CLDN10: variants seen among roughly 807,000 people sequenced by gnomAD.
The protein encoded by CLDN10 is claudin-10.
Under a neutral mutation model 22.9 loss-of-function variants are expected in CLDN10, and 15 were observed. That is an observed-to-expected ratio of 0.65 (90% CI 0.44 to 1.01). The LOEUF (loss-of-function observed/expected upper bound fraction) is 1.01, where lower values mean the gene tolerates loss of function less well. CLDN10 is among the 50% of genes least tolerant of loss of function. The pLI is 0.00. For missense variants in CLDN10, 247 were observed against 287.8 expected, an observed-to-expected ratio of 0.86 and a Z score of 1.03; for synonymous variants, 114 against 111.4, an observed-to-expected ratio of 1.02 and a Z score of -0.15.
At chr13:95,456,674 T>C (rs2042484879) in intron 1 of CLDN10, among the ~76,000 whole-genome samples, 1 of 152,184 alleles carries the variant, frequency 6.6e-6, no homozygotes, top group Non-Finnish European at 1.5e-5. Flanking sequence ...GGAGGATTGC[T>C]TGAGCCTAGG....
intron 1 of CLDN10, among the ~76,000 whole-genome samples, chr13:95,545,472 G>T (rs761191573): frequency 3.9e-5 from 6 of 152,100 alleles, no homozygotes; most frequent in Non-Finnish European, 7.4e-5. Context: ...GGAAGGTGGA[G>T]GTTGCGGTGA....
At chr13:95,561,456 G>A (rs1390109492) in intron 3 of CLDN10, among the ~76,000 whole-genome samples, 2 of 152,096 alleles carry the variant, frequency 1.3e-5, no homozygotes, top group Admixed American at 6.6e-5. Context: ...AGCGCATGTT[G>A]AGTCCCCACC....
At chr13:95,569,007 C>T (rs1241363197) in intron 3 of CLDN10, among the ~76,000 whole-genome samples, 1 of 152,108 alleles carries the variant, frequency 6.6e-6, no homozygotes, top group Admixed American at 6.6e-5. Context: ...GAGGATAATA[C>T]ATACTAGGAG....
intron 1 of CLDN10, among the ~76,000 whole-genome samples, chr13:95,507,878 C>T (rs9524992): frequency 0.32 from 49,360 of 151,924 alleles, 9,445 homozygotes; most frequent in East Asian, 0.43. Context: ...CTGCCTCGGC[C>T]TCCCAAAGTG....
intron 1 of CLDN10, among the ~76,000 whole-genome samples, chr13:95,465,581 G>A (rs868094545): frequency 6.6e-6 from 1 of 152,136 alleles, no homozygotes; most frequent in Non-Finnish European, 1.5e-5. Flanking sequence ...TGGCCACCTG[G>A]CAGGTGAATA....
intron 1 of CLDN10, among the ~76,000 whole-genome samples, chr13:95,513,963 T>C (rs2043133971): frequency 6.6e-6 from 1 of 152,190 alleles, no homozygotes; most frequent in Non-Finnish European, 1.5e-5. Context: ...GCTTCAGAAC[T>C]CTTCCAGCCT....
chr13:95,577,256 A>C lies in CLDN10; in HGVS notation c.490A>C (p.Ile164Leu). The C allele has an allele frequency of 2.5e-6, 4 of 1,614,094 alleles. No homozygotes were observed. The South Asian group carries it at 3.3e-5, about 13-fold the overall frequency. The change falls in exon 4 of 5, where the codon ATT becomes CTT. Residue 164 changes from isoleucine to leucine, a missense_variant. Ile to Leu is a conservative substitution (Grantham distance 5). Transcript: ENST00000299339. Reference sequence around the variant, plus strand: ...GTATGAATTAGGAGCCGCTCTGTTTATTGGATGGGCAGGAGCCTCACTGTG... The same window carrying C: ...GTATGAATTAGGAGCCGCTCTGTTTCTTGGATGGGCAGGAGCCTCACTGTG... The part of the protein sequence containing the change: ...QKYELGAALF[I>L]GWAGASLCII...
rs1475534789 is a variant in CLDN10 at position 95,555,288 on chromosome 13, T to TC, written c.220+2317dup. ...ATCGCGAACTCCTGAACTCAGGTCATCCACCCTCCTCGGCCTCCCAAAGTG... is the reference window on the plus strand; with the variant it reads ...ATCGCGAACTCCTGAACTCAGGTCATCCCACCCTCCTCGGCCTCCCAAAGTG... On this transcript the variant is annotated intron_variant, in intron 1 of 4. Coordinates refer to ENST00000299339, the MANE Select transcript of CLDN10 (RefSeq NM_006984.5). Among the ~76,000 whole-genome samples, 3 of 152,226 alleles carry TC rather than the reference T, an allele frequency of 2.0e-5. No individual in the cohort carries two copies. In the East Asian group the frequency reaches 5.8e-4, roughly 29 times the overall value.
At chr13:95,534,123 G>T (rs2043375254) in intron 1 of CLDN10, among the ~76,000 whole-genome samples, 5 of 152,078 alleles carry the variant, frequency 3.3e-5, no homozygotes, top group Admixed American at 2.6e-4. Flanking sequence ...TCCCCTACTA[G>T]ATTTTCAGCT....
chr13:95,486,078 G>A (rs2042800642), intron 1 of CLDN10, among the ~76,000 whole-genome samples: 1 of 152,198 alleles, frequency 6.6e-6, no homozygotes. Flanking sequence ...TGTGGGGCAT[G>A]TGCAGACAAG....
chr13:95,535,907 A>C (rs2043395671), intron 1 of CLDN10, among the ~76,000 whole-genome samples: 2 of 152,196 alleles, frequency 1.3e-5, no homozygotes, highest in Admixed American at 6.5e-5. Context: ...ACTATGAAAA[A>C]GGTGCAGAGA....
At chr13:95,438,800 G>A (rs1021546863) in intron 1 of CLDN10, among the ~76,000 whole-genome samples, 7 of 151,986 alleles carry the variant, frequency 4.6e-5, no homozygotes, top group African/African-American at 9.7e-5. Flanking sequence ...CCAACTTGGC[G>A]AAATCCTGTC....
At chr13:95,571,164 G>T (rs754867637) in intron 3 of CLDN10, among the ~76,000 whole-genome samples, 2 of 151,816 alleles carry the variant, frequency 1.3e-5, no homozygotes, top group Admixed American at 1.3e-4. Context: ...AGTGACACAT[G>T]GTAGGTAATC....
chr13:95,531,312 T>C (rs2043339699), intron 1 of CLDN10, among the ~76,000 whole-genome samples: 1 of 152,200 alleles, frequency 6.6e-6, no homozygotes, highest in African/African-American at 2.4e-5. Context: ...CAAGGCCAAC[T>C]TAATTTTCAA....
At chr13:95,454,041 G>A (rs1283054054) in intron 1 of CLDN10, among the ~76,000 whole-genome samples, 1 of 151,916 alleles carries the variant, frequency 6.6e-6, no homozygotes, top group Non-Finnish European at 1.5e-5. Flanking sequence ...ATTTATCTTC[G>A]GACAAGTGTT....
At chr13:95,438,656 C>A (rs1347780403) in intron 1 of CLDN10, among the ~76,000 whole-genome samples, 1 of 152,148 alleles carries the variant, frequency 6.6e-6, no homozygotes, top group South Asian at 2.1e-4. Context: ...CCTCTCTCCC[C>A]ACTCCCTTAT....
intron 1 of CLDN10, among the ~76,000 whole-genome samples, chr13:95,473,473 G>A (rs1042677489): frequency 1.3e-5 from 2 of 152,252 alleles, no homozygotes; most frequent in Admixed American, 6.5e-5. Context: ...GCCAAGTGAT[G>A]AGGATGGGGG....
intron 4 of CLDN10, 138 bp downstream of exon 4, chr13:95,577,476 G>GTTAA (rs2043951426): frequency 4.7e-6 from 3 of 642,980 alleles, no homozygotes; most frequent in Admixed American, 2.9e-5. Flanking sequence ...TAGCAGTACA[G>GTTAA]TTAATTTTTT....
chr13:95,506,536 GC>G (rs895297229), intron 1 of CLDN10, among the ~76,000 whole-genome samples: 1 of 152,094 alleles, frequency 6.6e-6, no homozygotes, highest in Non-Finnish European at 1.5e-5. Context: ...GAGAAGTTCT[GC>G]CACCTCAGAC....
Sources: gnomAD v4.1 joint callset for allele counts (sites outside exome capture counted in the v4.1 genomes callset) on GRCh38, gnomAD v4.1.1 for gene constraint, MANE v1.5 for transcripts, NCBI Gene and HGNC (gene_info 2026-07-23, HGNC 2026-07-21) for gene names.